The following MAPK10 variants were observed in gnomAD, a reference collection of about 807,000 sequenced individuals.
MAPK10 encodes the protein JNK3 alpha protein kinase.
MAPK10 carries 25 observed loss-of-function variants against 59.3 expected under a neutral mutation model. The observed-to-expected ratio is 0.42, with a 90% CI of 0.31 to 0.59. The LOEUF is 0.59. Among genes scored for constraint, MAPK10 ranks in the 20% least tolerant of loss-of-function variants. The pLI, the probability that MAPK10 is intolerant of heterozygous loss-of-function variation, is 0.15. For missense variants in MAPK10, 351 were observed against 568.9 expected, an observed-to-expected ratio of 0.62 and a Z score of 3.90; for synonymous variants, 190 against 200.5, an observed-to-expected ratio of 0.95 and a Z score of 0.44.
chr4:86,472,718 T>C (rs1489782290), intron 1 of MAPK10, among the ~76,000 whole-genome samples: 1 of 151,838 alleles, frequency 6.6e-6, no homozygotes, highest in Non-Finnish European at 1.5e-5. Context: ...CATCATACAA[T>C]AAACTGTATA....
Position 86,072,805 on chromosome 4 carries a change from T to C in MAPK10, c.803-4850A>G, listed in dbSNP as rs1157911155. ...CTGGATTCGGTTTGCCAGTATTTTA[T>C]TGAGGATTTTTGCATCGATGTTCAT... On this transcript the variant is annotated intron_variant, in intron 9 of 13. Transcript: ENST00000641462. Among the ~76,000 whole-genome samples, 3 of 90,772 alleles carry C rather than the reference T, an allele frequency of 3.3e-5. 1 individual carries two copies. The highest frequency in any genetic ancestry group is 2.5e-4 in the East Asian group (1 of 4,022). 59.5% of individuals were successfully genotyped at this position (90,772 alleles called of 152,430 possible).
intron 1 of MAPK10, among the ~76,000 whole-genome samples, chr4:86,491,031 C>T (rs1191580216): frequency 6.6e-6 from 1 of 152,106 alleles, no homozygotes; most frequent in Non-Finnish European, 1.5e-5. Context: ...AGCTAGTTAG[C>T]TTGTTTGTTT....
intron 1 of MAPK10, among the ~76,000 whole-genome samples, chr4:86,434,893 G>A (rs1409363577): frequency 6.6e-6 from 1 of 152,182 alleles, no homozygotes; most frequent in African/African-American, 2.4e-5. Flanking sequence ...GGATCAACCT[G>A]TGTCTGTCAA....
intron 1 of MAPK10, among the ~76,000 whole-genome samples, chr4:86,439,565 G>A (rs908029509): frequency 3.3e-5 from 5 of 152,126 alleles, no homozygotes; most frequent in Admixed American, 2.0e-4. Context: ...TTGCATATAT[G>A]TTCTTATGTA....
At chr4:86,162,752 C>G (rs1364778101) in intron 3 of MAPK10, among the ~76,000 whole-genome samples, 2 of 152,024 alleles carry the variant, frequency 1.3e-5, no homozygotes, top group Non-Finnish European at 2.9e-5. Flanking sequence ...CTACTAGAAG[C>G]CAAGTTACAG....
chr4:86,190,397 C>G (rs1271806569), intron 3 of MAPK10, among the ~76,000 whole-genome samples: 4 of 152,096 alleles, frequency 2.6e-5, no homozygotes, highest in Admixed American at 6.6e-5. Context: ...GGTTGGTAGG[C>G]TATTAATTAC....
intron 1 of MAPK10, among the ~76,000 whole-genome samples, chr4:86,445,386 A>C (rs1367251414): frequency 6.6e-6 from 1 of 152,150 alleles, no homozygotes; most frequent in African/African-American, 2.4e-5. Context: ...ACATGGACAC[A>C]GGGAGGGGAA....
chr4:86,213,552 A>G (rs1388643293), intron 2 of MAPK10, among the ~76,000 whole-genome samples: 1 of 152,116 alleles, frequency 6.6e-6, no homozygotes, highest in Non-Finnish European at 1.5e-5. Flanking sequence ...TTCTAAAAAA[A>G]GGAATAGGAC....
rs554285194 is a variant in MAPK10, at chr4:86,107,013, C to T, written c.366+210G>A. Reference sequence around the variant, plus strand: ...AGGGAAATATTTATAAAATTCATCACTTCCACATCATATGGTTTTTAGGTG... The same window carrying T: ...AGGGAAATATTTATAAAATTCATCATTTCCACATCATATGGTTTTTAGGTG... On this transcript the variant is annotated intron_variant, in intron 5 of 13. Transcript: ENST00000641462. 2.6e-5 allele frequency: 9 copies of T among 343,732 alleles called. No individual in the cohort carries two copies. In the South Asian group the frequency reaches 6.1e-4, roughly 23 times the overall value. 21.3% of individuals were successfully genotyped at this position (343,732 alleles called of 1,614,324 possible). A position where few individuals can be genotyped will look rare whatever the true frequency, so the allele number is the denominator to read the frequency against.
At chr4:86,093,123 A>G (rs1442504756) in intron 9 of MAPK10, among the ~76,000 whole-genome samples, 1 of 152,034 alleles carries the variant, frequency 6.6e-6, no homozygotes, top group Non-Finnish European at 1.5e-5. Flanking sequence ...CCTGGAAGTT[A>G]AATCTAAATA....
chr4:86,246,695 A>G (rs572122609), intron 2 of MAPK10, among the ~76,000 whole-genome samples: 2 of 152,320 alleles, frequency 1.3e-5, no homozygotes, highest in East Asian at 3.9e-4. Flanking sequence ...CCTCCACTAC[A>G]GATGAAGAAA....
chr4:86,507,615 G>GAGAT lies in MAPK10; in HGVS notation c.-263+86294_-263+86295insATCT, dbSNP rs1219957209. Among the ~76,000 whole-genome samples, 49 of 35,650 alleles carry GAGAT rather than the reference G, an allele frequency of 1.4e-3. 2 individuals are homozygous for GAGAT. The highest frequency in any genetic ancestry group is 1.9e-3 in the Non-Finnish European group (37 of 19,456). 23.4% of individuals were successfully genotyped at this position (35,650 alleles called of 152,430 possible). A position where few individuals can be genotyped will look rare whatever the true frequency, so the allele number is the denominator to read the frequency against. On this transcript the variant is annotated intron_variant, in intron 1 of 4. Coordinates refer to the MAPK10 transcript ENST00000502302. ...TTACTATTAAAAAGAATAAACTGGA[G>GAGAT]ATATATATATATATATATATATATA...
chr4:86,519,378 G>A (rs559055378), intron 1 of MAPK10, among the ~76,000 whole-genome samples: 11 of 152,074 alleles, frequency 7.2e-5, no homozygotes, highest in African/African-American at 9.7e-5. Flanking sequence ...GTCCCTCTGC[G>A]TCTTTTTAAA....
chr4:86,201,113 T>C (rs1213439520), intron 2 of MAPK10, among the ~76,000 whole-genome samples: 2 of 151,890 alleles, frequency 1.3e-5, no homozygotes, highest in Non-Finnish European at 2.9e-5. Flanking sequence ...CTTTTCATGC[T>C]TGGCTTATTT....
upstream of MAPK10, among the ~76,000 whole-genome samples, chr4:86,361,111 C>G (rs1044167341): frequency 6.6e-6 from 1 of 152,102 alleles, no homozygotes; most frequent in African/African-American, 2.4e-5. Context: ...GAAGCTTCTT[C>G]CATATGTTAC....
chr4:86,546,699 G>T (rs892053395), intron 1 of MAPK10, among the ~76,000 whole-genome samples: 14 of 152,270 alleles, frequency 9.2e-5, no homozygotes, highest in African/African-American at 3.4e-4. Flanking sequence ...ATTAAGACCA[G>T]ATTTGAATGG....
At chr4:86,158,288 C>G (rs2068449827) in intron 4 of MAPK10, among the ~76,000 whole-genome samples, 1 of 151,752 alleles carries the variant, frequency 6.6e-6, no homozygotes, top group African/African-American at 2.4e-5. Flanking sequence ...CGGAAAGGAA[C>G]CCAGCCTGCC....
intron 1 of MAPK10, among the ~76,000 whole-genome samples, chr4:86,441,491 T>G (rs1009338357): frequency 3.3e-5 from 5 of 152,252 alleles, no homozygotes; most frequent in African/African-American, 1.2e-4. Flanking sequence ...TCCAGGGACA[T>G]GCTATTTCAC....
At chr4:86,266,129 G>C (rs527445725) in intron 2 of MAPK10, among the ~76,000 whole-genome samples, 13 of 152,114 alleles carry the variant, frequency 8.5e-5, no homozygotes, top group Non-Finnish European at 1.8e-4. Context: ...ATTTCCCTGA[G>C]GTGCTCACTA....
Sources: allele counts gnomAD v4.1 joint callset (sites outside exome capture counted in the v4.1 genomes callset), GRCh38; gene constraint gnomAD v4.1.1; transcripts MANE v1.5; gene names NCBI Gene and HGNC (gene_info 2026-07-23, HGNC 2026-07-21).